The following TP63 variants were observed in gnomAD, a reference collection of about 807,000 sequenced individuals.
The protein encoded by TP63 is tumor protein 63.
A neutral mutation model predicts 82.8 loss-of-function variants in TP63; 17 were observed. That is an observed-to-expected ratio of 0.21 (90% CI 0.14 to 0.31). The LOEUF (loss-of-function observed/expected upper bound fraction) is 0.31. Among genes scored for constraint, TP63 ranks in the 10% least tolerant of loss-of-function variants. The probability of loss-of-function intolerance (pLI) is 1.00; values close to 1 mark genes in which losing one functional copy is unlikely to be tolerated. For missense variants in TP63, 648 were observed against 895.3 expected (o/e 0.72, Z 3.52); for synonymous variants, 330 against 321.7 (o/e 1.03, Z -0.28).
In TP63 at chr3:189,674,600, A is replaced by T. The variant is rs73056141; in HGVS notation, c.62+43023A>T. ...AGCCAGACAGAAATCTGCAATATTT[A>T]TCCACAAGCTCCATGAATTGAAAAT... On this transcript the variant is annotated intron_variant, in intron 1 of 13. Transcript: ENST00000264731. Among the ~76,000 whole-genome samples the T allele has an allele frequency of 7.5e-3, 1,138 of 152,282 alleles. 15 individuals carry two copies. The highest frequency in any genetic ancestry group is 0.025 in the African/African-American group (1,060 of 41,576).
In TP63 at chr3:189,815,099, C is replaced by T. The variant is rs546078703; in HGVS notation, c.579+6573C>T. The stretch of plus-strand genomic sequence containing the variant: ...TTCTTCTCCCCCTTCTTTCTACTCC[C>T]TCCTTCTCTTTTTTCCTTCATTTAT... On this transcript the variant is annotated intron_variant, in intron 4 of 13. Coordinates refer to ENST00000264731, the MANE Select transcript of TP63 (RefSeq NM_003722.5). Among the ~76,000 whole-genome samples the T allele has an allele frequency of 2.0e-5, 3 of 152,092 alleles. No individual in the cohort carries two copies. In the South Asian group the frequency reaches 6.2e-4, roughly 32 times the overall value.
intron 3 of TP63, among the ~76,000 whole-genome samples, chr3:189,761,816 A>C (rs2108539791): frequency 6.6e-6 from 1 of 152,338 alleles, no homozygotes; most frequent in Non-Finnish European, 1.5e-5. Flanking sequence ...ATGGCTGGGG[A>C]GGCCTCACAA....
chr3:189,766,196 T>TA (rs1015217569), intron 3 of TP63, among the ~76,000 whole-genome samples: 6 of 152,108 alleles, frequency 3.9e-5, no homozygotes, highest in African/African-American at 1.2e-4. Flanking sequence ...AGACCTCATC[T>TA]AAAAAAATAA....
At chr3:189,723,395 AT>A (rs1719537175) in intron 1 of TP63, among the ~76,000 whole-genome samples, 1 of 152,226 alleles carries the variant, frequency 6.6e-6, no homozygotes, top group African/African-American at 2.4e-5. Flanking sequence ...TTGGTATCTA[AT>A]TCAAGGGATG....
intron 1 of TP63, among the ~76,000 whole-genome samples, chr3:189,641,601 C>G (rs1260320902): frequency 6.6e-6 from 1 of 151,834 alleles, no homozygotes; most frequent in Non-Finnish European, 1.5e-5. Flanking sequence ...TGAGCACTTT[C>G]CAGTTATTAT....
Position 189,894,782 on chromosome 3 carries a change from G to C in TP63, c.*280G>C, listed in dbSNP as rs1365557719. 1 of 457,394 alleles carries C rather than the reference G, an allele frequency of 2.2e-6. No homozygotes were observed. Among genetic ancestry groups the C allele is most frequent in the African/African-American group, 1.9e-5 (1 of 51,918 alleles). 28.3% of individuals were successfully genotyped at this position (457,394 alleles called of 1,614,324 possible). A position where few individuals can be genotyped will look rare whatever the true frequency, so the allele number is the denominator to read the frequency against. Reference sequence around the variant, plus strand: ...GTTGGGTGTCTCCTTAAGCTGCAGAGATTTCTCATTGACTTTTATAAAGCA... The same window carrying C: ...GTTGGGTGTCTCCTTAAGCTGCAGACATTTCTCATTGACTTTTATAAAGCA... On this transcript the variant is annotated 3_prime_UTR_variant, in exon 14 of 14. Transcript: ENST00000264731.
At chr3:189,627,383 A>C (rs1729343221), upstream of TP63, among the ~76,000 whole-genome samples, 1 of 152,220 alleles carries the variant, frequency 6.6e-6, no homozygotes, top group Non-Finnish European at 1.5e-5. Flanking sequence ...AGTTGACAAC[A>C]TGAATATATC....
At chr3:189,881,885 T>C (rs1543969) in intron 10 of TP63, among the ~76,000 whole-genome samples, 32,784 of 152,042 alleles carry the variant, frequency 0.22, 4,324 homozygotes, top group Non-Finnish European at 0.3. Flanking sequence ...TTAAATAACA[T>C]GGCTTCTGTG....
intron 3 of TP63, among the ~76,000 whole-genome samples, chr3:189,744,462 T>A (rs895410353): frequency 1.8e-4 from 28 of 152,050 alleles, no homozygotes; most frequent in Non-Finnish European, 3.2e-4. Context: ...GCCCTACCCC[T>A]CAGTGCCCAG....
At chr3:189,625,972 C>T in the TP63 span, among the ~76,000 whole-genome samples, 1 of 152,120 alleles carries the variant, frequency 6.6e-6, no homozygotes, top group African/African-American at 2.4e-5. Flanking sequence ...CGGACACTCC[C>T]TTAAGGCATC....
chr3:189,661,861 T>C (rs1365250911), intron 1 of TP63, among the ~76,000 whole-genome samples: 1 of 152,124 alleles, frequency 6.6e-6, no homozygotes, highest in African/African-American at 2.4e-5. Flanking sequence ...TGAATAGATA[T>C]GTTTATAATA....
chr3:189,880,130 C>T (rs752435519), intron 10 of TP63: 23 of 1,613,786 alleles, frequency 1.4e-5, no homozygotes, highest in South Asian at 7.7e-5. Flanking sequence ...AACAATCTGA[C>T]GTCTTCTTTA....
chr3:189,633,146 G>A (rs1310929559), intron 1 of TP63, among the ~76,000 whole-genome samples: 2 of 151,922 alleles, frequency 1.3e-5, no homozygotes, highest in Non-Finnish European at 2.9e-5. Flanking sequence ...TTACCTTGAC[G>A]ATCTATTAGT....
At chr3:189,852,296 G>A (rs1425379794) in intron 4 of TP63, among the ~76,000 whole-genome samples, 6 of 152,158 alleles carry the variant, frequency 3.9e-5, no homozygotes, top group Non-Finnish European at 8.8e-5. Context: ...TATTTGTCCA[G>A]AACTAAAACT....
the TP63 span, among the ~76,000 whole-genome samples, chr3:189,619,492 A>C: frequency 6.6e-6 from 1 of 152,246 alleles, no homozygotes; most frequent in East Asian, 1.9e-4. Context: ...TCTAACTACC[A>C]CATTTTCAGT....
intron 4 of TP63, among the ~76,000 whole-genome samples, chr3:189,854,507 A>G (rs1181526280): frequency 2.0e-5 from 3 of 152,190 alleles, no homozygotes; most frequent in Non-Finnish European, 4.4e-5. Flanking sequence ...TGCTGGGATC[A>G]CAGATGTGAG....
intron 1 of TP63, among the ~76,000 whole-genome samples, chr3:189,653,133 A>ACCT (rs1362271792): frequency 6.6e-6 from 1 of 152,200 alleles, no homozygotes; most frequent in African/African-American, 2.4e-5. Flanking sequence ...TGGAGAATTT[A>ACCT]ATAGCATGAT....
rs949359891 is a variant in TP63, at chr3:189,835,961, A to G, written c.579+27435A>G. Among the ~76,000 whole-genome samples the G allele has an allele frequency of 5.5e-4, 60 of 110,046 alleles. 1 individual carries two copies. Among genetic ancestry groups the G allele is most frequent in the African/African-American group, 1.5e-3 (48 of 32,278 alleles). 72.2% of individuals were successfully genotyped at this position (110,046 alleles called of 152,430 possible). A position where few individuals can be genotyped will look rare whatever the true frequency, so the allele number is the denominator to read the frequency against. Reference sequence around the variant, plus strand: ...TAATAATAATAATAATAATAATAATAATAATAATGTAAAGTGGGGAAGGCA... The same window carrying G: ...TAATAATAATAATAATAATAATAATGATAATAATGTAAAGTGGGGAAGGCA... On this transcript the variant is annotated intron_variant, in intron 4 of 13. Coordinates refer to ENST00000264731, the MANE Select transcript of TP63 (RefSeq NM_003722.5).
intron 4 of TP63, among the ~76,000 whole-genome samples, chr3:189,815,705 G>C (rs1334771342): frequency 6.6e-6 from 1 of 151,924 alleles, no homozygotes; most frequent in Non-Finnish European, 1.5e-5. Context: ...TGGTAACAAG[G>C]GGAGATTACT....
Sources: gnomAD v4.1 joint callset for allele counts (sites outside exome capture counted in the v4.1 genomes callset) on GRCh38, gnomAD v4.1.1 for gene constraint, MANE v1.5 for transcripts, NCBI Gene and HGNC (gene_info 2026-07-23, HGNC 2026-07-21) for gene names.